The following KCNK12 variants were observed in gnomAD, a reference collection of about 807,000 sequenced individuals.
The protein encoded by KCNK12 is potassium channel subfamily K member 12.
In KCNK12, 6 loss-of-function variants were observed where a neutral mutation model predicts 25.3. That is an observed-to-expected ratio of 0.24 (90% CI 0.13 to 0.47). The LOEUF (loss-of-function observed/expected upper bound fraction) is 0.47. Among genes scored for constraint, KCNK12 ranks in the 20% least tolerant of loss-of-function variants. KCNK12 has a pLI of 0.99. For missense variants in KCNK12, 444 were observed against 661.7 expected (o/e 0.67, Z 3.61); for synonymous variants, 331 against 311.1 (o/e 1.06, Z -0.67).
intron 1 of KCNK12, among the ~76,000 whole-genome samples, chr2:47,527,322 GA>G (rs1288945778): frequency 1.3e-5 from 2 of 152,202 alleles, no homozygotes; most frequent in Non-Finnish European, 2.9e-5. Context: ...TCACAGGGGA[GA>G]GGGGCCATGG....
chr2:47,520,970 C>A lies in KCNK12; in HGVS notation c.1230G>T (p.Ser410=). Residue 410 remains serine (S), a synonymous_variant, in exon 2 of 2, where the codon TCG becomes TCT. Transcript: ENST00000327876. This position sits in a 1 kb window ranked among gnomAD's most constrained non-coding sequence, Gnocchi z 5.0. ...VCVNTRQNGF[S]GGVGALGIMN... is the part of the protein sequence containing the mutation. ...TGATGCCCAGCGCGCCCACGCCGCC[C>A]GAGAAGCCGTTCTGGCGCGTGTTGA... 1 of 1,314,792 alleles carries A rather than the reference C, an allele frequency of 7.6e-7. No individual in the cohort carries two copies. The highest frequency in any genetic ancestry group is 3.1e-5 in the East Asian group (1 of 32,050). The allele number at this position is 1,314,792 out of a possible 1,614,324, so 81.4% of individuals were successfully genotyped here.
intron 1 of KCNK12, among the ~76,000 whole-genome samples, chr2:47,552,731 C>G (rs568416656): frequency 1.3e-5 from 2 of 152,034 alleles, no homozygotes; most frequent in East Asian, 1.9e-4. Flanking sequence ...TCGCACCACT[C>G]CACTCCAGCC....
chr2:47,565,460 T>C lies in KCNK12; in HGVS notation c.391+4481A>G, dbSNP rs1226825167. On this transcript the variant is annotated intron_variant, in intron 1 of 1. Transcript: ENST00000327876. This position sits in a 1 kb window ranked among gnomAD's most constrained non-coding sequence, Gnocchi z 5.0. ...TAATTCTGAAAGTAGCAAGCTAAAT[T>C]ATGCAGTGCCAAAAGTGACAACTCT... 6.6e-6 allele frequency: 1 copy of C among 152,200 alleles called. No individual in the cohort carries two copies. Among genetic ancestry groups the C allele is most frequent in the Non-Finnish European group, 1.5e-5 (1 of 68,042 alleles). The allele number at this position is 152,200 out of a possible 1,614,324, so 9.4% of individuals were successfully genotyped here. A position where few individuals can be genotyped will look rare whatever the true frequency, so the allele number is the denominator to read the frequency against.
intron 1 of KCNK12, chr2:47,563,699 C>T (rs1428629225): frequency 4.3e-6 from 1 of 233,078 alleles, no homozygotes; most frequent in African/African-American, 2.2e-5. Context: ...CAGCTCTGCT[C>T]CTATTTGCTA....
chr2:47,563,726 G>A (rs1188420788), intron 1 of KCNK12: 1 of 232,822 alleles, frequency 4.3e-6, no homozygotes, highest in Non-Finnish European at 8.5e-6. Flanking sequence ...GCTGATTGTT[G>A]GCTTTTGTTG....
intron 1 of KCNK12, among the ~76,000 whole-genome samples, chr2:47,534,625 G>A (rs1222736422): frequency 4.1e-5 from 6 of 147,358 alleles, no homozygotes; most frequent in African/African-American, 1.3e-4. Flanking sequence ...GGACAAAGAC[G>A]TGACTGATGA....
At chr2:47,537,341 T>C (rs1399600791) in intron 1 of KCNK12, among the ~76,000 whole-genome samples, 2 of 151,958 alleles carry the variant, frequency 1.3e-5, no homozygotes, top group Non-Finnish European at 2.9e-5. Flanking sequence ...TCTTTCTTTT[T>C]TTTTTTTGAG....
chr2:47,542,859 C>T (rs1168037171), intron 1 of KCNK12, among the ~76,000 whole-genome samples: 3 of 152,238 alleles, frequency 2.0e-5, no homozygotes, highest in Non-Finnish European at 4.4e-5. Flanking sequence ...ACATTTTATA[C>T]TTCTGGGCCA....
chr2:47,565,333 T>TA lies in KCNK12; in HGVS notation c.391+4607dup, dbSNP rs1378847838. 6.6e-6 allele frequency: 1 copy of TA among 152,242 alleles called. No individual in the cohort carries two copies. The allele number at this position is 152,242 out of a possible 1,614,324, so 9.4% of individuals were successfully genotyped here. A position where few individuals can be genotyped will look rare whatever the true frequency, so the allele number is the denominator to read the frequency against. On this transcript the variant is annotated intron_variant, in intron 1 of 1. Coordinates refer to ENST00000327876, the MANE Select transcript of KCNK12 (RefSeq NM_022055.2). The surrounding 1 kb of genome is among the most constrained non-coding windows in gnomAD (Gnocchi z 5.0). ...GTGACATTTTGGGCTTATAATGTCT[T>TA]AGTTTCCTTTGTAGCAAAAAGAGTT...
chr2:47,534,891 GTC>G (rs1220108391), intron 1 of KCNK12: 2 of 207,624 alleles, frequency 9.6e-6, no homozygotes, highest in African/African-American at 4.6e-5. Flanking sequence ...TTAAAAGGAA[GTC>G]TCTGGTGGTT....
intron 1 of KCNK12, among the ~76,000 whole-genome samples, chr2:47,554,442 A>C (rs1669509139): frequency 6.6e-6 from 1 of 152,152 alleles, no homozygotes; most frequent in Admixed American, 6.5e-5. Flanking sequence ...ATGAGGCTTG[A>C]ATGTGGTTAA....
chr2:47,536,577 G>A (rs990843962), intron 1 of KCNK12, among the ~76,000 whole-genome samples: 2 of 152,206 alleles, frequency 1.3e-5, no homozygotes, highest in African/African-American at 4.8e-5. Context: ...GAAGACTATG[G>A]TGAATAAGAT....
intron 1 of KCNK12, among the ~76,000 whole-genome samples, chr2:47,561,571 G>A (rs1296350120): frequency 6.6e-6 from 1 of 152,064 alleles, no homozygotes; most frequent in Non-Finnish European, 1.5e-5. Context: ...ATGTGCCTTG[G>A]CCTCCCCTCC....
At chr2:47,539,361 A>T (rs1669144135) in intron 1 of KCNK12, among the ~76,000 whole-genome samples, 1 of 152,162 alleles carries the variant, frequency 6.6e-6, no homozygotes, top group South Asian at 2.1e-4. Context: ...CTGTTTATTA[A>T]AAAATTTTAG....
chr2:47,552,899 G>A (rs757887685), intron 1 of KCNK12, among the ~76,000 whole-genome samples: 2 of 152,210 alleles, frequency 1.3e-5, no homozygotes, highest in Non-Finnish European at 2.9e-5. Context: ...GATCAGCAGA[G>A]GTCTTGTTGA....
intron 1 of KCNK12, among the ~76,000 whole-genome samples, chr2:47,552,723 G>A (rs774501173): frequency 1.4e-4 from 21 of 151,808 alleles, no homozygotes; most frequent in South Asian, 2.1e-4. Context: ...AGCAGGGATC[G>A]CACCACTCCA....
rs1285013109 is a variant in KCNK12 at position 47,540,049 on chromosome 2, C to T, written c.392-18241G>A. Among the ~76,000 whole-genome samples, 1 of 152,196 alleles carries T rather than the reference C, an allele frequency of 6.6e-6. No homozygotes were observed. The highest frequency in any genetic ancestry group is 2.4e-5 in the African/African-American group (1 of 41,438). ...CTATCAAGTAGACAGCACTGCCTTA[C>T]AGATGGTTGTGGGGATCAGAGGGGA... On this transcript the variant is annotated intron_variant, in intron 1 of 1. Transcript: ENST00000327876. This position sits in a 1 kb window ranked among gnomAD's most constrained non-coding sequence, Gnocchi z 5.4.
At chr2:47,567,026 A>G (rs557813895) in intron 1 of KCNK12, 1 of 152,226 alleles carries the variant, frequency 6.6e-6, no homozygotes, top group Non-Finnish European at 1.5e-5. Context: ...GTAAGCTTTA[A>G]CCTTTCAAAA....
At chr2:47,553,342 A>G (rs956709038) in intron 1 of KCNK12, among the ~76,000 whole-genome samples, 1 of 152,260 alleles carries the variant, frequency 6.6e-6, no homozygotes, top group Non-Finnish European at 1.5e-5. Context: ...AGAGCTGAAT[A>G]TACAAACTAA....
Sources: gnomAD v4.1 joint callset for allele counts (sites outside exome capture counted in the v4.1 genomes callset) on GRCh38, gnomAD v4.1.1 for gene constraint, Gnocchi (gnomAD v3.1) non-coding constraint, MANE v1.5 for transcripts, NCBI Gene and HGNC (gene_info 2026-07-23, HGNC 2026-07-21) for gene names.